TDRD12: variants seen among roughly 807,000 people sequenced by gnomAD.
The protein encoded by TDRD12 is putative ATP-dependent RNA helicase TDRD12.
In TDRD12, 158 loss-of-function variants were observed where a neutral mutation model predicts 133.5. The observed-to-expected ratio is 1.18, with a 90% CI of 1.04 to 1.35. The LOEUF is 1.35. Among genes scored for constraint, TDRD12 ranks in the 40% most tolerant of loss-of-function variants. TDRD12 has a pLI of 0.00. For missense variants in TDRD12, 1,443 were observed against 1,321.3 expected (o/e 1.09, Z -1.43); for synonymous variants, 460 against 477.9 (o/e 0.96, Z 0.49).
Position 32,807,507 on chromosome 19 carries a change from A to G in TDRD12, c.2553-42A>G, listed in dbSNP as rs867234450. 1.0e-5 allele frequency: 14 copies of G among 1,349,138 alleles called. 1 individual carries two copies. The Middle Eastern group carries it at 2.4e-3, about 228-fold the overall frequency. The allele number at this position is 1,349,138 out of a possible 1,614,324, so 83.6% of individuals were successfully genotyped here. A position where few individuals can be genotyped will look rare whatever the true frequency, so the allele number is the denominator to read the frequency against. Reference sequence around the variant, plus strand: ...GAAAGCGTTAAAATTCACATTAACAATTATTACTTACTTATGATAAGTCTA... The same window carrying G: ...GAAAGCGTTAAAATTCACATTAACAGTTATTACTTACTTATGATAAGTCTA... On this transcript the variant is annotated intron_variant, in intron 21 of 27. Transcript: ENST00000444215.
chr19:32,739,273 G>GGTGCTCT (rs1969318727), intron 3 of TDRD12, among the ~76,000 whole-genome samples: 4 of 151,750 alleles, frequency 2.6e-5, no homozygotes, highest in African/African-American at 9.7e-5. Flanking sequence ...GCATCTCCTG[G>GGTGCTCT]CTGCTCTCTG....
At chr19:32,736,247 T>C (rs1969220226) in intron 2 of TDRD12, among the ~76,000 whole-genome samples, 1 of 152,062 alleles carries the variant, frequency 6.6e-6, no homozygotes, top group South Asian at 2.1e-4. Context: ...AAAAAAAGAT[T>C]CCTTTCAAAA....
chr19:32,815,344 A>G (rs568803887), intron 25 of TDRD12, 104 bp from the exon 26 acceptor site: 3 of 970,914 alleles, frequency 3.1e-6, no homozygotes, highest in South Asian at 3.4e-5. Context: ...AGTGCAGCCA[A>G]CGTGGCAGGC....
chr19:32,797,811 C>T (rs1455523532), exon 15 of TDRD12: 1 of 702,456 alleles, frequency 1.4e-6, no homozygotes, highest in Non-Finnish European at 2.6e-6. Context: ...TATAGCATGT[C>T]CTCCAGGCCT....
chr19:32,794,835 C>G, intron 14 of TDRD12, 22 bp downstream of exon 14: 1 of 700,136 alleles, frequency 1.4e-6, no homozygotes, highest in Non-Finnish European at 2.6e-6. Context: ...ACAGTTTTGC[C>G]TCACAACCAA....
At chr19:32,826,692 G>T in intron 9 of TDRD12, 3 of 1,232,364 alleles carry the variant, frequency 2.4e-6, no homozygotes, top group Non-Finnish European at 2.0e-6. Flanking sequence ...GAACCCCAAC[G>T]TGGCTTTTGA....
At chr19:32,731,988 C>T in intron 2 of TDRD12, 105 bp downstream of exon 2, 1 of 1,199,664 alleles carries the variant, frequency 8.3e-7, no homozygotes, top group African/African-American at 1.6e-5. Flanking sequence ...ATTTTAGTTT[C>T]TTACACTCAG....
At chr19:32,741,003 T>G (rs1969408650) in intron 3 of TDRD12, among the ~76,000 whole-genome samples, 1 of 152,230 alleles carries the variant, frequency 6.6e-6, no homozygotes, top group Non-Finnish European at 1.5e-5. Flanking sequence ...GATGTCAGTT[T>G]AATAAATATG....
At chr19:32,826,416 GCTGA>G in intron 8 of TDRD12, 25 bp from the exon 31 acceptor site, 5 of 1,200,954 alleles carry the variant, frequency 4.2e-6, no homozygotes, top group Non-Finnish European at 4.1e-6. Context: ...ATTTTAAAAG[GCTGA>G]CTTTATTTCT....
At position 32,731,772 on chromosome 19, in the gene TDRD12, CT is replaced by C. The variant is rs1483524118; in HGVS notation, c.77del (p.Leu26Ter). 6.4e-7 allele frequency: 1 copy of C among 1,550,808 alleles called. No homozygotes were observed. The highest frequency in any genetic ancestry group is 2.4e-5 in the East Asian group (1 of 40,880). ...GGGTTATTATAAAAGGGTGTAGTCC[CT>C]TTTTAGATCATGATGTCGATTATCA... On this transcript the variant is annotated frameshift_variant, in exon 2 of 28. Coordinates refer to ENST00000444215, the Ensembl canonical transcript of TDRD12. LOFTEE classifies it high-confidence loss of function.
chr19:32,813,480 A>G (rs1210635792), intron 24 of TDRD12, among the ~76,000 whole-genome samples: 2 of 152,306 alleles, frequency 1.3e-5, no homozygotes, highest in East Asian at 3.9e-4. Flanking sequence ...GTACGAGGCC[A>G]TGGGCGAGTT....
chr19:32,725,478 T>C (rs750015943), intron 1 of TDRD12, among the ~76,000 whole-genome samples: 5 of 152,212 alleles, frequency 3.3e-5, no homozygotes, highest in Admixed American at 6.5e-5. Context: ...GGGCATCCTT[T>C]CCCCATTGCC....
chr19:32,766,803 C>T (rs1230543966), intron 8 of TDRD12, among the ~76,000 whole-genome samples: 3 of 151,512 alleles, frequency 2.0e-5, no homozygotes, highest in Admixed American at 6.6e-5. Context: ...TTAGTAGAGA[C>T]GGGGTTTCAC....
At chr19:32,736,017 A>G (rs1425160488) in intron 2 of TDRD12, among the ~76,000 whole-genome samples, 2 of 152,160 alleles carry the variant, frequency 1.3e-5, no homozygotes, top group African/African-American at 4.8e-5. Flanking sequence ...TAAAGCTTTA[A>G]AGGTCAGAGT....
At chr19:32,778,639 A>T (rs1471014725) in intron 11 of TDRD12, among the ~76,000 whole-genome samples, 1 of 152,066 alleles carries the variant, frequency 6.6e-6, no homozygotes, top group African/African-American at 2.4e-5. Flanking sequence ...AGCTGGAATT[A>T]CAGGCGCCTG....
At chr19:32,816,516 T>G (rs116089046) in intron 26 of TDRD12, among the ~76,000 whole-genome samples, 1 of 152,236 alleles carries the variant, frequency 6.6e-6, no homozygotes, top group Non-Finnish European at 1.5e-5. Flanking sequence ...GAATATACCA[T>G]TATTTGTTTA....
chr19:32,790,029 C>T (rs919397812), intron 11 of TDRD12, among the ~76,000 whole-genome samples: 20 of 151,780 alleles, frequency 1.3e-4, no homozygotes, highest in African/African-American at 3.6e-4. Context: ...AGAAAAAACG[C>T]GTTTACAGGA....
intron 18 of TDRD12, among the ~76,000 whole-genome samples, 172 bp from the exon 19 acceptor site, chr19:32,801,584 T>A (rs1446606775): frequency 6.6e-6 from 1 of 152,164 alleles, no homozygotes; most frequent in East Asian, 1.9e-4. Context: ...ACAACCGAAT[T>A]TTGGAAATAT....
At chr19:32,773,204 A>G (rs1347795960) in intron 9 of TDRD12, among the ~76,000 whole-genome samples, 1 of 152,206 alleles carries the variant, frequency 6.6e-6, no homozygotes. Flanking sequence ...GTTGAAAGTA[A>G]TTGCAGGACA....
Sources: gnomAD v4.1 joint callset for allele counts (sites outside exome capture counted in the v4.1 genomes callset) on GRCh38, gnomAD v4.1.1 for gene constraint, MANE v1.5 for transcripts, NCBI Gene and HGNC (gene_info 2026-07-23, HGNC 2026-07-21) for gene names.